The following TNIK variants were observed in gnomAD, a reference collection of about 807,000 sequenced individuals.
The protein encoded by TNIK is TRAF2 and NCK interacting kinase, also known as TRAF2 and NCK-interacting protein kinase.
Under a neutral mutation model 191.3 loss-of-function variants are expected in TNIK, and 49 were observed. The observed-to-expected ratio is 0.26, with a 90% CI of 0.20 to 0.32. The LOEUF (loss-of-function observed/expected upper bound fraction) is 0.32. TNIK is among the 10% of genes least tolerant of loss of function. The pLI is 1.00. For synonymous variants in TNIK, 594 were observed against 600.9 expected (o/e 0.99, Z 0.17); for missense variants, 1,155 against 1,702.3 (o/e 0.68, Z 5.66).
chr3:171,334,016 CACT>C (rs1355515000), intron 2 of TNIK, among the ~76,000 whole-genome samples: 2 of 152,158 alleles, frequency 1.3e-5, no homozygotes, highest in Non-Finnish European at 2.9e-5. Flanking sequence ...GCTCTCCCAC[CACT>C]GTTATCATCA....
chr3:171,430,591 A>G lies in TNIK; in HGVS notation c.57+29416T>C, dbSNP rs543517985. Among the ~76,000 whole-genome samples the G allele has an allele frequency of 2.0e-5, 3 of 147,198 alleles. No individual in the cohort carries two copies. In the East Asian group the frequency reaches 5.9e-4, roughly 29 times the overall value. ...GAATTTGAGGTTGCAGTGAACTAAG[A>G]TTGTGCCACTGCATTCAGCCCTGGC... On this transcript the variant is annotated intron_variant, in intron 1 of 32. Coordinates refer to ENST00000436636, the MANE Select transcript of TNIK (RefSeq NM_015028.4).
At chr3:171,455,394 C>G (rs966145417) in intron 1 of TNIK, among the ~76,000 whole-genome samples, 1 of 151,800 alleles carries the variant, frequency 6.6e-6, no homozygotes, top group African/African-American at 2.4e-5. Flanking sequence ...CAGGCACACA[C>G]CACCACACTG....
chr3:171,154,090 C>T (rs1732834011), intron 12 of TNIK, among the ~76,000 whole-genome samples: 2 of 152,104 alleles, frequency 1.3e-5, no homozygotes, highest in East Asian at 3.8e-4. Flanking sequence ...GCTTAAAAAC[C>T]TCATGCTTAA....
rs1577453718 is a variant in TNIK, at chr3:171,316,557, C to G, written c.123+53063G>C. Among the ~76,000 whole-genome samples the G allele has an allele frequency of 2.6e-5, 4 of 152,032 alleles. No homozygotes were observed. In the South Asian group the frequency reaches 8.3e-4, roughly 32 times the overall value. The stretch of plus-strand genomic sequence containing the variant: ...TCGGGAGAACAGTTAATAGCCCAGG[C>G]AAGCTGGAGCAAAGAGTATCTAAAG... On this transcript the variant is annotated intron_variant, in intron 2 of 32. Transcript: ENST00000436636.
At chr3:171,228,254 T>C (rs774370059) in intron 2 of TNIK, 33 bp from the exon 3 acceptor site, 1 of 1,612,592 alleles carries the variant, frequency 6.2e-7, no homozygotes, top group Non-Finnish European at 8.5e-7. Flanking sequence ...AAAGATTTAG[T>C]TCTGATGATG....
intron 3 of TNIK, among the ~76,000 whole-genome samples, chr3:171,214,293 A>G (rs1741203897): frequency 6.6e-6 from 1 of 151,942 alleles, no homozygotes; most frequent in African/African-American, 2.4e-5. Flanking sequence ...CCATCAAGGG[A>G]GATGAGTTAC....
intron 4 of TNIK, among the ~76,000 whole-genome samples, chr3:171,198,695 T>C (rs1045759296): frequency 1.3e-5 from 2 of 152,232 alleles, no homozygotes; most frequent in African/African-American, 2.4e-5. Flanking sequence ...GTGTTCATTA[T>C]ACTGTTCTGC....
At chr3:171,215,710 T>C (rs1053990149) in intron 3 of TNIK, among the ~76,000 whole-genome samples, 4 of 151,408 alleles carry the variant, frequency 2.6e-5, no homozygotes, top group Admixed American at 6.6e-5. Context: ...TTGCTTATGA[T>C]TGATTTCAAG....
intron 2 of TNIK, among the ~76,000 whole-genome samples, chr3:171,298,718 G>A (rs1268766703): frequency 6.6e-6 from 1 of 152,156 alleles, no homozygotes; most frequent in Non-Finnish European, 1.5e-5. Context: ...TGCTGGATAT[G>A]TACAATAAAC....
intron 2 of TNIK, among the ~76,000 whole-genome samples, chr3:171,271,692 A>G (rs1390873717): frequency 6.6e-6 from 1 of 152,206 alleles, no homozygotes; most frequent in African/African-American, 2.4e-5. Flanking sequence ...AAGTTCTTAA[A>G]GGAAAGGGAC....
At chr3:171,207,351 T>A (rs530738601) in intron 4 of TNIK, among the ~76,000 whole-genome samples, 21 of 151,692 alleles carry the variant, frequency 1.4e-4, no homozygotes, top group African/African-American at 5.1e-4. Context: ...CAAATTCTTT[T>A]TCTTTTTTTT....
At chr3:171,420,385 T>C (rs188583459) in intron 1 of TNIK, among the ~76,000 whole-genome samples, 5 of 152,270 alleles carry the variant, frequency 3.3e-5, no homozygotes, top group African/African-American at 9.6e-5. Context: ...AGGAGTTTTT[T>C]TACACTCAAG....
At chr3:171,092,450 G>A (rs962395259) in intron 23 of TNIK, among the ~76,000 whole-genome samples, 4 of 152,138 alleles carry the variant, frequency 2.6e-5, no homozygotes, top group Non-Finnish European at 4.4e-5. Flanking sequence ...GAGTCAAACA[G>A]CAACTCACTC....
chr3:171,132,309 C>T lies in TNIK; in HGVS notation c.1609-3431G>A, dbSNP rs541956839. On this transcript the variant is annotated intron_variant, in intron 15 of 32. Coordinates refer to ENST00000436636, the MANE Select transcript of TNIK (RefSeq NM_015028.4). ...AAGTATTTTTTTCTTATTAAAAAAT[C>T]GTTTCAACATGAAAACTAAAATAAC... Among the ~76,000 whole-genome samples the T allele has an allele frequency of 7.2e-5, 11 of 152,266 alleles. No individual in the cohort carries two copies. The South Asian group carries it at 1.9e-3, about 26-fold the overall frequency.
chr3:171,065,318 G>A (rs1446684214), intron 32 of TNIK, among the ~76,000 whole-genome samples: 1 of 152,164 alleles, frequency 6.6e-6, no homozygotes, highest in Admixed American at 6.5e-5. Flanking sequence ...AGTGGGCCAG[G>A]GTTGAATATA....
intron 17 of TNIK, 108 bp from the exon 18 acceptor site, chr3:171,123,810 G>T (rs997172643): frequency 4.2e-6 from 3 of 720,678 alleles, no homozygotes; most frequent in Non-Finnish European, 6.5e-6. Context: ...GAAACTATCC[G>T]AAACAGTAAA....
chr3:171,259,114 A>T lies in TNIK; in HGVS notation c.124-30893T>A, dbSNP rs4502609. ...GTTTTATATAAGAGAGAGAGAGAGC[A>T]TGCACACGAGAGAGAGAGAGTGTAT... On this transcript the variant is annotated intron_variant, in intron 2 of 32. Transcript: ENST00000436636. Among the ~76,000 whole-genome samples the T allele has an allele frequency of 2.0e-5, 3 of 151,910 alleles. No homozygotes were observed. The East Asian group carries it at 5.8e-4, about 29-fold the overall frequency.
intron 1 of TNIK, among the ~76,000 whole-genome samples, chr3:171,376,263 T>A (rs1323859850): frequency 2.6e-5 from 4 of 152,208 alleles, no homozygotes; most frequent in Non-Finnish European, 4.4e-5. Flanking sequence ...GAAACTGTGC[T>A]GACTCAACAA....
intron 4 of TNIK, among the ~76,000 whole-genome samples, chr3:171,198,541 A>G (rs1739007203): frequency 6.6e-6 from 1 of 152,308 alleles, no homozygotes; most frequent in South Asian, 2.1e-4. Context: ...AAATTTAGGT[A>G]AATTTTATGT....
Sources: allele counts gnomAD v4.1 joint callset (sites outside exome capture counted in the v4.1 genomes callset), GRCh38; gene constraint gnomAD v4.1.1; transcripts MANE v1.5; gene names NCBI Gene and HGNC (gene_info 2026-07-23, HGNC 2026-07-21).